Variants in CDC25A observed in about 807,000 individuals in gnomAD.
CDC25A encodes the protein M-phase inducer phosphatase 1.
A neutral mutation model predicts 64.6 loss-of-function variants in CDC25A; 17 were observed. The ratio of observed to expected loss-of-function variants is 0.26; its 90% CI spans 0.18 to 0.39. CDC25A has a LOEUF of 0.39. Among genes scored for constraint, CDC25A ranks in the 10% least tolerant of loss-of-function variants. The pLI is 1.00. For missense variants in CDC25A, 473 were observed against 654.8 expected, an observed-to-expected ratio of 0.72 and a Z score of 3.03; for synonymous variants, 229 against 238.6, an observed-to-expected ratio of 0.96 and a Z score of 0.37.
chr3:48,177,290 T>C, intron 8 of CDC25A, 81 bp downstream of exon 8: 1 of 1,061,314 alleles, frequency 9.4e-7, no homozygotes, highest in East Asian at 2.4e-5. Context: ...ATTTCAATCT[T>C]TGGCTATACT....
intron 9 of CDC25A, among the ~76,000 whole-genome samples, chr3:48,172,031 T>C (rs1479966116): frequency 6.6e-6 from 1 of 152,054 alleles, no homozygotes; most frequent in Non-Finnish European, 1.5e-5. Flanking sequence ...TAACTGGGCA[T>C]GGTGGTGCAT....
intron 13 of CDC25A, among the ~76,000 whole-genome samples, chr3:48,162,569 CA>C (rs2031819838): frequency 6.6e-6 from 1 of 152,026 alleles, no homozygotes; most frequent in Non-Finnish European, 1.5e-5. Context: ...TGGTTCAGGT[CA>C]GGCGCAGTGG....
Position 48,159,076 on chromosome 3 carries a change from C to G in CDC25A, c.1444G>C (p.Glu482Gln), listed in dbSNP as rs746309630. The G allele has an allele frequency of 6.2e-7, 1 of 1,614,068 alleles. No homozygotes were observed. The highest frequency in any genetic ancestry group is 1.1e-5 in the South Asian group (1 of 91,072). Residue 482 changes from glutamate to glutamine, a missense_variant, in exon 15 of 15, where the codon GAG becomes CAG. By Grantham distance (29) the Glu-to-Gln change is conservative (BLOSUM62 2). Transcript: ENST00000302506. Reference protein sequence around the residue: ...EFFMKCQSYCEPPSYRPMHHE... With the variant: ...EFFMKCQSYCQPPSYRPMHHE... ...TGCATGGGCCGGTAGCTAGGGGGCT[C>G]ACAGTAAGACTGAGGGGACAGGAGA...
intron 9 of CDC25A, among the ~76,000 whole-genome samples, chr3:48,172,118 C>A (rs959656660): frequency 6.6e-6 from 1 of 152,012 alleles, no homozygotes; most frequent in African/African-American, 2.4e-5. Context: ...GAGCTGTGAT[C>A]GTGCTAGTGC....
intron 6 of CDC25A, among the ~76,000 whole-genome samples, chr3:48,179,348 T>G (rs1289083360): frequency 6.6e-6 from 1 of 152,176 alleles, no homozygotes; most frequent in East Asian, 1.9e-4. Flanking sequence ...GATACCCAAC[T>G]CTTAAAGCAT....
At position 48,157,227 on chromosome 3, in the gene CDC25A, TGCTA is replaced by T. The variant is rs1490168670; in HGVS notation, c.*1714_*1717del. 6.6e-6 allele frequency: 1 copy of T among 152,352 alleles called. No homozygotes were observed. Among genetic ancestry groups the T allele is most frequent in the Admixed American group, 6.5e-5 (1 of 15,302 alleles). 9.4% of individuals were successfully genotyped at this position (152,352 alleles called of 1,614,324 possible). The stretch of plus-strand genomic sequence containing the variant: ...AGAGCTTCCAACAGTTGGTTAGTAA[TGCTA>T]GCTAAGCTGGTATAATCTGAAGGCC... On this transcript the variant is annotated 3_prime_UTR_variant, in exon 15 of 15. Coordinates refer to ENST00000302506, the MANE Select transcript of CDC25A (RefSeq NM_001789.3).
intron 9 of CDC25A, among the ~76,000 whole-genome samples, chr3:48,170,180 A>T (rs2032215917): frequency 6.6e-6 from 1 of 151,248 alleles, no homozygotes; most frequent in African/African-American, 2.5e-5. Flanking sequence ...CCTACCAGCA[A>T]GCAAGCAAGC....
At chr3:48,168,360 C>CCACAGACACACA (rs1553768360) in intron 9 of CDC25A, among the ~76,000 whole-genome samples, 175 of 106,604 alleles carry the variant, frequency 1.6e-3, no homozygotes, top group Middle Eastern at 5.1e-3. Context: ...AAGACCCTGT[C>CCACAGACACACA]CACACACACA....
Position 48,187,869 on chromosome 3 carries a change from C to T in CDC25A, c.79G>A (p.Val27Met). Residue 27 changes from valine to methionine, a missense_variant, in exon 1 of 15, where the codon GTG (valine) becomes ATG (methionine). Physicochemically the swap from Val to Met is conservative, Grantham distance 21. This residue lies in a region of CDC25A where 376 missense variants were observed against 431.9 expected (regional missense o/e 0.87). Transcript: ENST00000302506. ...CSPPPASQPVVKALFGASAAG... is the reference protein window; with the variant it reads ...CSPPPASQPVMKALFGASAAG... ...GCTGAAGCGCCAAATAGCGCCTTCA[C>T]GACGGGCTGCGACGCGGGAGGGGGG... 6.5e-7 allele frequency: 1 copy of T among 1,547,166 alleles called. No homozygotes were observed. Among genetic ancestry groups the T allele is most frequent in the Non-Finnish European group, 8.7e-7 (1 of 1,145,734 alleles).
chr3:48,175,675 A>T (rs2032429170), intron 8 of CDC25A, among the ~76,000 whole-genome samples: 1 of 152,212 alleles, frequency 6.6e-6, no homozygotes, highest in African/African-American at 2.4e-5. Context: ...CCCACTATTA[A>T]GAGCTTACAA....
Position 48,158,784 on chromosome 3 carries a change from TCCAAC to T in CDC25A, c.*156_*160del, listed in dbSNP as rs1160371282. On this transcript the variant is annotated 3_prime_UTR_variant, in exon 15 of 15. Transcript: ENST00000302506. ...GCGTAGCCAGCAAGATGCCCTGGGC[TCCAAC>T]CTTGGGAGTGTGGGAGGTAGGTTTA... 2 of 831,496 alleles carry T rather than the reference TCCAAC, an allele frequency of 2.4e-6. No homozygotes were observed. Among genetic ancestry groups the T allele is most frequent in the Non-Finnish European group, 3.8e-6 (2 of 526,468 alleles). 51.5% of individuals were successfully genotyped at this position (831,496 alleles called of 1,614,324 possible).
rs2031585275 is a variant in CDC25A at position 48,157,936 on chromosome 3, T to G, written c.*1009A>C. 1 of 152,414 alleles carries G rather than the reference T, an allele frequency of 6.6e-6. No homozygotes were observed. 9.4% of individuals were successfully genotyped at this position (152,414 alleles called of 1,614,324 possible). On this transcript the variant is annotated 3_prime_UTR_variant, in exon 15 of 15. Transcript: ENST00000302506. Reference sequence around the variant, plus strand: ...AATTAGAAAATAAAAGCTATCAATATCACAGCAACATAAGGAAGATACTCA... The same window carrying G: ...AATTAGAAAATAAAAGCTATCAATAGCACAGCAACATAAGGAAGATACTCA...
At chr3:48,180,042 A>AC (rs2032605150) in intron 6 of CDC25A, among the ~76,000 whole-genome samples, 1 of 152,140 alleles carries the variant, frequency 6.6e-6, no homozygotes, top group Non-Finnish European at 1.5e-5. Flanking sequence ...GAAACGAGTG[A>AC]CCCCAAAACT....
intron 6 of CDC25A, chr3:48,180,246 GGAA>G (rs892921254): frequency 6.6e-6 from 1 of 152,598 alleles, no homozygotes; most frequent in African/African-American, 2.4e-5. Flanking sequence ...AACCACCTTT[GGAA>G]GAAGTCAAGT....
At chr3:48,161,315 A>T (rs1191050920) in intron 13 of CDC25A, 1 of 154,604 alleles carries the variant, frequency 6.5e-6, no homozygotes, top group Non-Finnish European at 1.4e-5. Context: ...CAGAATACAG[A>T]GATGGGGCGT....
chr3:48,179,328 T>C (rs990400686), intron 6 of CDC25A, among the ~76,000 whole-genome samples: 2 of 152,172 alleles, frequency 1.3e-5, no homozygotes, highest in African/African-American at 2.4e-5. Flanking sequence ...ACACCAAATA[T>C]ATTGTTTCTG....
intron 5 of CDC25A, 85 bp from the exon 6 acceptor site, chr3:48,180,925 T>G: frequency 1.5e-6 from 2 of 1,307,536 alleles, no homozygotes. Context: ...AAGTGGGCAC[T>G]GATCACCTTT....
At position 48,158,231 on chromosome 3, in the gene CDC25A, C is replaced by T. The variant is rs1249331492; in HGVS notation, c.*714G>A. 6.6e-6 allele frequency: 1 copy of T among 152,642 alleles called. No homozygotes were observed. The highest frequency in any genetic ancestry group is 1.5e-5 in the Non-Finnish European group (1 of 68,042). 9.5% of individuals were successfully genotyped at this position (152,642 alleles called of 1,614,324 possible). A position where few individuals can be genotyped will look rare whatever the true frequency, so the allele number is the denominator to read the frequency against. ...GTCAGGCAGCCAAGCCTGGGTCCAA[C>T]GCTCTCACCAGGACCTCAGTTCTTG... On this transcript the variant is annotated 3_prime_UTR_variant, in exon 15 of 15. Coordinates refer to ENST00000302506, the MANE Select transcript of CDC25A (RefSeq NM_001789.3).
intron 3 of CDC25A, 21 bp downstream of exon 3, chr3:48,184,632 T>C (rs984051460): frequency 5.8e-6 from 9 of 1,556,554 alleles, no homozygotes; most frequent in Admixed American, 5.6e-5. Context: ...ATATAAACAT[T>C]TGAAAGCAGT....
Sources: allele counts gnomAD v4.1 joint callset (sites outside exome capture counted in the v4.1 genomes callset), GRCh38; gene constraint gnomAD v4.1.1; regional missense constraint gnomAD v4.1.1; transcripts MANE v1.5; gene names NCBI Gene and HGNC (gene_info 2026-07-23, HGNC 2026-07-21).